The following FMN1 variants were observed in gnomAD, a reference collection of about 807,000 sequenced individuals.
FMN1 encodes the protein formin-1.
Under a neutral mutation model 132.4 loss-of-function variants are expected in FMN1, and 110 were observed. The ratio of observed to expected loss-of-function variants is 0.83; its 90% CI spans 0.71 to 0.97. FMN1 has a LOEUF of 0.97. Ranked by LOEUF, FMN1 falls within the 50% of genes least tolerant of loss-of-function variation. The pLI is 0.00. For missense variants in FMN1, 1,792 were observed against 1,705.3 expected (o/e 1.05, Z -0.90); for synonymous variants, 722 against 651.7 (o/e 1.11, Z -1.64).
At chr15:32,851,067 G>GACAAA (rs538033582) in intron 17 of FMN1, among the ~76,000 whole-genome samples, 73 of 151,352 alleles carry the variant, frequency 4.8e-4, no homozygotes, top group African/African-American at 1.3e-3. Flanking sequence ...CAAAAAACAA[G>GACAAA]ACAAAACAAA....
At chr15:32,978,796 C>T (rs193013190) in intron 7 of FMN1, among the ~76,000 whole-genome samples, 183 of 152,318 alleles carry the variant, frequency 1.2e-3, no homozygotes, top group African/African-American at 4.0e-3. Context: ...TCCACCTGCA[C>T]AACAGTATCA....
chr15:32,805,167 CTGT>C (rs1228498696), intron 17 of FMN1, among the ~76,000 whole-genome samples: 2 of 152,170 alleles, frequency 1.3e-5, no homozygotes, highest in African/African-American at 4.8e-5. Context: ...TCTCCAGCAT[CTGT>C]TGTTTCCTGA....
intron 16 of FMN1, among the ~76,000 whole-genome samples, chr15:32,887,812 A>T (rs1443870743): frequency 6.6e-6 from 1 of 152,338 alleles, no homozygotes; most frequent in Non-Finnish European, 1.5e-5. Flanking sequence ...TCTCATCTGT[A>T]AAATGGGTTT....
intron 15 of FMN1, among the ~76,000 whole-genome samples, chr15:32,895,838 T>C (rs985625996): frequency 3.9e-5 from 6 of 152,288 alleles, no homozygotes; most frequent in Admixed American, 3.9e-4. Flanking sequence ...ATTTTTGAGA[T>C]ACTACAGTAT....
At chr15:32,883,000 G>A (rs2059807538) in intron 16 of FMN1, among the ~76,000 whole-genome samples, 1 of 152,224 alleles carries the variant, frequency 6.6e-6, no homozygotes, top group African/African-American at 2.4e-5. Flanking sequence ...ATGGTGACGA[G>A]GCAAACTTGC....
chr15:33,095,273 G>A (rs1002786678), intron 4 of FMN1, among the ~76,000 whole-genome samples: 15 of 152,080 alleles, frequency 9.9e-5, no homozygotes, highest in African/African-American at 2.9e-4. Flanking sequence ...GCTTGAACCC[G>A]GGAGGCAGAG....
intron 6 of FMN1, among the ~76,000 whole-genome samples, chr15:33,013,381 A>AT (rs2034847105): frequency 6.6e-6 from 1 of 152,204 alleles, no homozygotes; most frequent in Non-Finnish European, 1.5e-5. Flanking sequence ...TAGTCTGATC[A>AT]TGAAGCTGAA....
chr15:33,004,352 A>C (rs2140926770), intron 7 of FMN1, among the ~76,000 whole-genome samples: 1 of 152,276 alleles, frequency 6.6e-6, no homozygotes, highest in East Asian at 1.9e-4. Flanking sequence ...TACAAGAAAA[A>C]AACAACCCCA....
At chr15:33,098,673 A>C (rs2141402422) in intron 4 of FMN1, among the ~76,000 whole-genome samples, 1 of 152,308 alleles carries the variant, frequency 6.6e-6, no homozygotes, top group African/African-American at 2.4e-5. Context: ...GAGAATTTCT[A>C]ACATAAAGAG....
At chr15:33,048,630 C>CAAAAAAAAAAAAAA (rs1566865254) in intron 6 of FMN1, among the ~76,000 whole-genome samples, 2 of 11,442 alleles carry the variant, frequency 1.7e-4, no homozygotes, top group African/African-American at 5.4e-4. Flanking sequence ...GGGCAATTTA[C>CAAAAAAAAAAAAAA]CAAAAAAAAA....
chr15:32,789,531 T>C (rs1156843477), intron 19 of FMN1, among the ~76,000 whole-genome samples: 1 of 152,240 alleles, frequency 6.6e-6, no homozygotes, highest in East Asian at 1.9e-4. Context: ...CATAAGGTTA[T>C]AATGGAGCTC....
At chr15:33,069,865 G>T (rs1161260777) in intron 5 of FMN1, among the ~76,000 whole-genome samples, 4 of 151,976 alleles carry the variant, frequency 2.6e-5, no homozygotes, top group Non-Finnish European at 5.9e-5. Flanking sequence ...AAATTCAATG[G>T]TGTCTTTTAA....
intron 19 of FMN1, among the ~76,000 whole-genome samples, chr15:32,785,218 A>ATATATATATATT (rs1444523400): frequency 1.0e-4 from 4 of 39,204 alleles, no homozygotes; most frequent in African/African-American, 4.8e-4. Flanking sequence ...ATATATATAT[A>ATATATATATATT]TTTTTTTTTT....
At chr15:33,116,242 G>T (rs2039920657) in intron 4 of FMN1, among the ~76,000 whole-genome samples, 1 of 148,500 alleles carries the variant, frequency 6.7e-6, no homozygotes, top group African/African-American at 2.4e-5. Flanking sequence ...GAAGCATAAT[G>T]TTCTACTTTC....
intron 7 of FMN1, among the ~76,000 whole-genome samples, chr15:32,996,642 ATAT>A (rs2033787172): frequency 6.6e-6 from 1 of 152,202 alleles, no homozygotes; most frequent in Non-Finnish European, 1.5e-5. Context: ...TAAGTACCAA[ATAT>A]TATTATTGTT....
rs1405206366 is a variant in FMN1, at chr15:32,799,476, T to C, written c.3981-523A>G. On this transcript the variant is annotated intron_variant, in intron 18 of 20. Transcript: ENST00000616417. The stretch of plus-strand genomic sequence containing the variant: ...ATCACTCAGCATCTTTGACTCTCAA[T>C]TTTCTCAAGGGTAAAATAAGAGATG... 1.3e-5 allele frequency among the ~76,000 whole-genome samples: 2 copies of C among 152,202 alleles called. 1 individual carries two copies. The highest frequency in any genetic ancestry group is 3.8e-4 in the East Asian group (2 of 5,202).
In FMN1 at chr15:33,027,768, C is replaced by T. The variant is rs571581233; in HGVS notation, c.2162-19693G>A. ...ATGAAATGGAGACAACACACACACACGAATATACATACACAGCACCTGTTG... is the reference window on the plus strand; with the variant it reads ...ATGAAATGGAGACAACACACACACATGAATATACATACACAGCACCTGTTG... On this transcript the variant is annotated intron_variant, in intron 6 of 20. Transcript: ENST00000616417. 3.3e-5 allele frequency among the ~76,000 whole-genome samples: 5 copies of T among 152,196 alleles called. No individual in the cohort carries two copies. The South Asian group carries it at 1.0e-3, about 32-fold the overall frequency.
In FMN1 at chr15:33,059,519, T is replaced by C. The variant is rs138281331; in HGVS notation, c.2161+5438A>G. Among the ~76,000 whole-genome samples the C allele has an allele frequency of 1.5e-3, 224 of 152,332 alleles. 1 individual carries two copies. The highest frequency in any genetic ancestry group is 4.8e-3 in the African/African-American group (201 of 41,578). On this transcript the variant is annotated intron_variant, in intron 6 of 20. Coordinates refer to ENST00000616417, the MANE Select transcript of FMN1 (RefSeq NM_001277313.2). ...TAATTTACGTTCCCACAAAAAATGC[T>C]TCTGATCCCATGTATTTTCCTTGTT...
At chr15:33,065,242 G>C (rs929188756) in intron 5 of FMN1, among the ~76,000 whole-genome samples, 168 bp from the exon 6 acceptor site, 1 of 152,126 alleles carries the variant, frequency 6.6e-6, no homozygotes, top group South Asian at 2.1e-4. Context: ...TTTTCCAGAA[G>C]TGTAACGTGA....
Sources: gnomAD v4.1 joint callset for allele counts (sites outside exome capture counted in the v4.1 genomes callset) on GRCh38, gnomAD v4.1.1 for gene constraint, MANE v1.5 for transcripts, NCBI Gene and HGNC (gene_info 2026-07-23, HGNC 2026-07-21) for gene names.